Variants in NDUFA11 observed in about 807,000 individuals in gnomAD.
NDUFA11 encodes the protein NADH:ubiquinone oxidoreductase subunit A11.
Under a neutral mutation model 11.3 loss-of-function variants are expected in NDUFA11, and 14 were observed. That is an observed-to-expected ratio of 1.24 (90% CI 0.82 to 1.94). The LOEUF is 1.94. Ranked by LOEUF, NDUFA11 falls within the 30% of genes most tolerant of loss-of-function variation. The probability of loss-of-function intolerance (pLI) is 0.00; values close to 1 mark genes in which losing one functional copy is unlikely to be tolerated. For synonymous variants in NDUFA11, 87 were observed against 85.6 expected (o/e 1.02, Z -0.09); for missense variants, 204 against 200.3 (o/e 1.02, Z -0.11).
intron 3 of NDUFA11, chr19:5,895,418 G>C (rs2057601722): frequency 6.4e-6 from 1 of 156,802 alleles, no homozygotes; most frequent in South Asian, 1.9e-4. Context: ...AGCAGTTCCA[G>C]CCTGAGCTGG....
intron 1 of NDUFA11, among the ~76,000 whole-genome samples, chr19:5,903,010 C>CAA (rs545310981): frequency 0.13 from 13,991 of 103,676 alleles, 1,177 homozygotes; most frequent in Non-Finnish European, 0.15. Context: ...GGCTCTGTCT[C>CAA]AAAAAAAAAA....
chr19:5,892,164 G>A (rs1197918458), downstream of NDUFA11: 2 of 152,696 alleles, frequency 1.3e-5, no homozygotes, highest in Admixed American at 1.3e-4. Context: ...AGCCCGGAAT[G>A]GGCTGGGTGG....
chr19:5,898,534 C>CTCCTAA (rs1280710712), intron 1 of NDUFA11, among the ~76,000 whole-genome samples: 5 of 152,308 alleles, frequency 3.3e-5, no homozygotes, highest in Middle Eastern at 3.4e-3. Flanking sequence ...GATCTGGTTT[C>CTCCTAA]TCCTAATCCT....
At chr19:5,902,275 A>AT (rs939002690) in intron 1 of NDUFA11, among the ~76,000 whole-genome samples, 1 of 133,730 alleles carries the variant, frequency 7.5e-6, no homozygotes, top group African/African-American at 2.8e-5. Context: ...TATTATTTTT[A>AT]TTTTTTGAGA....
Position 5,896,717 on chromosome 19 carries a change from G to A in NDUFA11, c.191-142C>T, listed in dbSNP as rs1231739968. On this transcript the variant is annotated intron_variant, in intron 2 of 3. Transcript: ENST00000308961. The surrounding 1 kb of genome is among the most constrained non-coding windows in gnomAD (Gnocchi z 5.8). The stretch of plus-strand genomic sequence containing the variant: ...ATGGCAGCCTCCTGGCCCCAGTCCT[G>A]GAGCTGTTCTCCTGGGCCTCCCCAC... 1 of 1,347,178 alleles carries A rather than the reference G, an allele frequency of 7.4e-7. No individual in the cohort carries two copies. The highest frequency in any genetic ancestry group is 2.5e-5 in the East Asian group (1 of 40,646). 83.5% of individuals were successfully genotyped at this position (1,347,178 alleles called of 1,614,324 possible).
intron 1 of NDUFA11, among the ~76,000 whole-genome samples, chr19:5,899,385 G>C (rs1196484115): frequency 6.7e-6 from 1 of 148,418 alleles, no homozygotes; most frequent in Non-Finnish European, 1.5e-5. Flanking sequence ...TCCTGACCTC[G>C]TGATCCGCCC....
intron 1 of NDUFA11, among the ~76,000 whole-genome samples, chr19:5,898,438 G>A (rs1043116796): frequency 6.6e-6 from 1 of 152,214 alleles, no homozygotes; most frequent in African/African-American, 2.4e-5. Context: ...GCCCATAGGA[G>A]GGACCATCTG....
At chr19:5,900,694 G>A (rs1450265943) in intron 1 of NDUFA11, among the ~76,000 whole-genome samples, 1 of 152,160 alleles carries the variant, frequency 6.6e-6, no homozygotes, top group Non-Finnish European at 1.5e-5. Flanking sequence ...AAGGCGGGCG[G>A]ATCACCTGAG....
chr19:5,897,122 TC>T, intron 1 of NDUFA11, 125 bp from the exon 2 acceptor site: 1 of 791,328 alleles, frequency 1.3e-6, no homozygotes, highest in Non-Finnish European at 2.2e-6. Flanking sequence ...GCCCATAGTG[TC>T]CCCGGCTGCT....
At chr19:5,894,280 T>C (rs781031131), downstream of NDUFA11, among the ~76,000 whole-genome samples, 79 of 152,064 alleles carry the variant, frequency 5.2e-4, no homozygotes, top group Non-Finnish European at 5.1e-4. Flanking sequence ...GTTTTCCACA[T>C]GTTGTTGGCT....
In NDUFA11 at chr19:5,903,727, C is replaced by G. The variant is rs375018411; in HGVS notation, c.-19G>C. On this transcript the variant is annotated 5_prime_UTR_variant, in exon 1 of 4. Transcript: ENST00000308961. ...GCGCCATAGCCCGCAATCTCGATCC[C>G]GCACCACGGACCCCGCCAGCTCGGG... The G allele has an allele frequency of 5.2e-5, 81 of 1,550,726 alleles. No homozygotes were observed. Among genetic ancestry groups the G allele is most frequent in the Non-Finnish European group, 6.8e-5 (78 of 1,146,510 alleles).
chr19:5,891,615 G>A (rs1599689112), downstream of NDUFA11: 3 of 152,314 alleles, frequency 2.0e-5, no homozygotes, highest in South Asian at 4.1e-4. Flanking sequence ...ATGGATTCTC[G>A]GGAAGCAAGT....
At position 5,903,602 on chromosome 19, in the gene NDUFA11, C is replaced by T. The variant is rs553704784; in HGVS notation, c.97+10G>A. ...CGGCCCTCCACCCTCGGGGCCCGGC[C>T]GGCGCTCACCAGCGACGCTGGCAAT... On this transcript the variant is annotated intron_variant, in intron 1 of 3. Transcript: ENST00000308961. 1 of 1,549,592 alleles carries T rather than the reference C, an allele frequency of 6.5e-7. No homozygotes were observed. Among genetic ancestry groups the T allele is most frequent in the Non-Finnish European group, 8.7e-7 (1 of 1,146,826 alleles).
Position 5,896,023 on chromosome 19 carries a change from C to A in NDUFA11, c.313+430G>T. The A allele has an allele frequency of 3.2e-6, 1 of 309,330 alleles. No individual in the cohort carries two copies. The highest frequency in any genetic ancestry group is 6.0e-6 in the Non-Finnish European group (1 of 165,804). The allele number at this position is 309,330 out of a possible 1,614,324, so 19.2% of individuals were successfully genotyped here. A position where few individuals can be genotyped will look rare whatever the true frequency, so the allele number is the denominator to read the frequency against. ...GGCCAGTGGCAGAGACAGGGGGTGACCTTGGTGACCTGTGTCCTCTGACAA... is the reference window on the plus strand; with the variant it reads ...GGCCAGTGGCAGAGACAGGGGGTGAACTTGGTGACCTGTGTCCTCTGACAA... On this transcript the variant is annotated intron_variant, in intron 3 of 3. Coordinates refer to ENST00000308961, the MANE Select transcript of NDUFA11 (RefSeq NM_175614.5). The surrounding 1 kb of genome is among the most constrained non-coding windows in gnomAD (Gnocchi z 5.8).
chr19:5,892,759 C>T (rs1631032), downstream of NDUFA11: 587,701 of 996,398 alleles, frequency 0.59, 175,336 homozygotes, highest in East Asian at 0.73. Flanking sequence ...CCGGTGCCCT[C>T]GAGTGGATGC....
At chr19:5,902,828 G>T (rs1185985831) in intron 1 of NDUFA11, among the ~76,000 whole-genome samples, 1 of 152,090 alleles carries the variant, frequency 6.6e-6, no homozygotes, top group African/African-American at 2.4e-5. Flanking sequence ...GGCCAACACG[G>T]TGAAACCCCG....
rs550115701 is a variant in NDUFA11, at chr19:5,898,019, G to A, written c.98-1022C>T. Reference sequence around the variant, plus strand: ...CCAGTTGCAGGCAGGGACCTCCTCGGGCCAGCCCATCCCAGAGAAAACAGA... The same window carrying A: ...CCAGTTGCAGGCAGGGACCTCCTCGAGCCAGCCCATCCCAGAGAAAACAGA... On this transcript the variant is annotated intron_variant, in intron 1 of 3. Transcript: ENST00000308961. Among the ~76,000 whole-genome samples the A allele has an allele frequency of 2.6e-5, 4 of 152,278 alleles. No individual in the cohort carries two copies. The South Asian group carries it at 8.3e-4, about 32-fold the overall frequency.
At chr19:5,901,963 G>A (rs561603670) in intron 1 of NDUFA11, among the ~76,000 whole-genome samples, 2 of 147,852 alleles carry the variant, frequency 1.4e-5, no homozygotes, top group African/African-American at 2.5e-5. Context: ...GAGCCACCGC[G>A]CCCGGCTGGT....
chr19:5,893,045 G>C (rs188726115), downstream of NDUFA11: 6 of 1,535,616 alleles, frequency 3.9e-6, no homozygotes, highest in Admixed American at 3.9e-5. This position sits in a 1 kb window ranked among gnomAD's most constrained non-coding sequence, Gnocchi z 4.1. Context: ...CCCGAGGCCC[G>C]GGCACCCAGC....
Sources: gnomAD v4.1 joint callset for allele counts (sites outside exome capture counted in the v4.1 genomes callset) on GRCh38, gnomAD v4.1.1 for gene constraint, Gnocchi (gnomAD v3.1) non-coding constraint, MANE v1.5 for transcripts, NCBI Gene and HGNC (gene_info 2026-07-23, HGNC 2026-07-21) for gene names.